The following AVIL variants were observed in gnomAD, a reference collection of about 807,000 sequenced individuals.
AVIL encodes the protein advillin.
Under a neutral mutation model 109.9 loss-of-function variants are expected in AVIL, and 78 were observed. The observed-to-expected ratio is 0.71, with a 90% CI of 0.59 to 0.86. The LOEUF (loss-of-function observed/expected upper bound fraction) is 0.86, where lower values mean the gene tolerates loss of function less well. Among genes scored for constraint, AVIL ranks in the 40% least tolerant of loss-of-function variants. The pLI is 0.00. For missense variants in AVIL, 892 were observed against 1,016.5 expected (o/e 0.88, Z 1.67); for synonymous variants, 367 against 379.1 (o/e 0.97, Z 0.37).
chr12:57,809,470 C>G, intron 9 of AVIL, 127 bp downstream of exon 9: 1 of 1,089,246 alleles, frequency 9.2e-7, no homozygotes, highest in Non-Finnish European at 1.3e-6. Context: ...GTCTGCCTGA[C>G]TTTGCAGTCC....
chr12:57,802,123 G>T, intron 17 of AVIL, 37 bp downstream of exon 17: 1 of 1,606,594 alleles, frequency 6.2e-7, no homozygotes, highest in Non-Finnish European at 8.5e-7. Flanking sequence ...TGAGCTACCT[G>T]GCAGGAAGTT....
At chr12:57,814,374 C>T (rs753005702) in intron 2 of AVIL, 148 bp from the exon 3 acceptor site, 12 of 771,472 alleles carry the variant, frequency 1.6e-5, no homozygotes, top group Non-Finnish European at 2.3e-5. Context: ...AGGCTGCCAG[C>T]CACAGGGTTA....
intron 11 of AVIL, 59 bp from the exon 12 acceptor site, chr12:57,807,786 A>G: frequency 6.2e-7 from 1 of 1,607,042 alleles, no homozygotes; most frequent in Non-Finnish European, 8.5e-7. Context: ...GGGCTAGGCC[A>G]CACTAAAGAG....
At chr12:57,808,133 C>A in intron 11 of AVIL, 61 bp downstream of exon 11, 1 of 1,559,764 alleles carries the variant, frequency 6.4e-7, no homozygotes, top group South Asian at 1.1e-5. Flanking sequence ...ACCCCTGCCC[C>A]CAGCAGGACA....
intron 16 of AVIL, chr12:57,802,794 G>C (rs1005823634): frequency 1.7e-6 from 1 of 573,068 alleles, no homozygotes; most frequent in African/African-American, 1.9e-5. Flanking sequence ...CACCAGGGCT[G>C]ACCAACTTTA....
chr12:57,801,721 C>T (rs1955852177), intron 17 of AVIL, among the ~76,000 whole-genome samples: 1 of 151,762 alleles, frequency 6.6e-6, no homozygotes, highest in Admixed American at 6.6e-5. Flanking sequence ...GCCTGGACAA[C>T]AAGAGCGAAA....
intron 1 of AVIL, among the ~76,000 whole-genome samples, 178 bp downstream of exon 1, chr12:57,818,451 G>C (rs1324985916): frequency 1.3e-5 from 2 of 152,056 alleles, no homozygotes; most frequent in African/African-American, 4.8e-5. Context: ...ATGTTCAGCT[G>C]CCTCTAAGGG....
intron 11 of AVIL, 131 bp downstream of exon 11, chr12:57,808,063 A>G: frequency 9.3e-7 from 1 of 1,076,402 alleles, no homozygotes; most frequent in Non-Finnish European, 1.4e-6. Flanking sequence ...AGACTCTTAA[A>G]GAAGACTCCT....
chr12:57,799,522 T>C (rs979182889), intron 19 of AVIL, among the ~76,000 whole-genome samples: 14 of 152,144 alleles, frequency 9.2e-5, no homozygotes, highest in African/African-American at 3.1e-4. Context: ...TGGAAACCAG[T>C]TGGATTGTAG....
intron 1 of AVIL, 87 bp downstream of exon 1, chr12:57,818,542 C>G (rs1956124276): frequency 6.6e-6 from 1 of 152,314 alleles, no homozygotes; most frequent in African/African-American, 2.4e-5. Context: ...GAAGACAAAG[C>G]CAAGGGACTC....
Position 57,801,234 on chromosome 12 carries a change from C to A in AVIL, c.2152-22G>T, listed in dbSNP as rs562453451. ...CTGCCTGAGAAGAAGAGAGAGAAAA[C>A]ACAGGATGAGGTCTTTCTTATAGGG... On this transcript the variant is annotated intron_variant, in intron 17 of 19. Transcript: ENST00000549994. The A allele has an allele frequency of 4.4e-6, 7 of 1,605,598 alleles. No homozygotes were observed. The East Asian group carries it at 1.6e-4, about 36-fold the overall frequency.
chr12:57,807,326 C>A lies in AVIL; in HGVS notation c.1491+5G>T, dbSNP rs764564143. 9 of 1,614,080 alleles carry A rather than the reference C, an allele frequency of 5.6e-6. No individual in the cohort carries two copies. The highest frequency in any genetic ancestry group is 1.3e-5 in the African/African-American group (1 of 74,912). On this transcript the variant is annotated splice_donor_5th_base_variant and intron_variant, in intron 13 of 19. Transcript: ENST00000549994. ...CATGGTGTAATTTTATCAGAGCATCCTCACCTCAAAGATAACTAGCTTCCC... is the reference window on the plus strand; with the variant it reads ...CATGGTGTAATTTTATCAGAGCATCATCACCTCAAAGATAACTAGCTTCCC...
intron 14 of AVIL, chr12:57,805,966 A>C (rs900589022): frequency 5.4e-6 from 1 of 184,590 alleles, no homozygotes; most frequent in African/African-American, 2.5e-5. Context: ...CCTCCTGAGT[A>C]GCTGGGACTA....
intron 2 of AVIL, 81 bp downstream of exon 2, chr12:57,815,894 G>A: frequency 6.2e-7 from 1 of 1,602,690 alleles, no homozygotes; most frequent in East Asian, 2.2e-5. Context: ...GTGCTGGCGG[G>A]CTGTTGCCTA....
intron 1 of AVIL, chr12:57,816,407 T>A (rs1411083865): frequency 5.1e-6 from 1 of 194,358 alleles, no homozygotes; most frequent in Non-Finnish European, 1.1e-5. Context: ...GGTGAGTTTC[T>A]TCATCTTACA....
At chr12:57,809,993 G>A in intron 7 of AVIL, 103 bp from the exon 8 acceptor site, 1 of 1,176,824 alleles carries the variant, frequency 8.5e-7, no homozygotes, top group Non-Finnish European at 1.2e-6. Context: ...TTTCTAGGTA[G>A]AGTGTGACTG....
chr12:57,802,057 C>T (rs1490533042), intron 17 of AVIL, 103 bp downstream of exon 17: 2 of 1,340,886 alleles, frequency 1.5e-6, no homozygotes, highest in East Asian at 2.4e-5. Flanking sequence ...GAAATGAGGT[C>T]CTGGTTTCAC....
chr12:57,801,390 A>G (rs999866394), intron 17 of AVIL, 178 bp from the exon 18 acceptor site: 13 of 506,010 alleles, frequency 2.6e-5, no homozygotes, highest in East Asian at 7.1e-5. Flanking sequence ...AGGTGCTTAA[A>G]CATAACGCAC....
chr12:57,802,729 G>A, intron 16 of AVIL: 1 of 601,988 alleles, frequency 1.7e-6, no homozygotes, highest in Non-Finnish European at 3.0e-6. Context: ...TATCTATCTA[G>A]TCACCTAAGG....
Sources: allele counts gnomAD v4.1 joint callset (sites outside exome capture counted in the v4.1 genomes callset), GRCh38; gene constraint gnomAD v4.1.1; transcripts MANE v1.5; gene names NCBI Gene and HGNC (gene_info 2026-07-23, HGNC 2026-07-21).